The following MCTP1 variants were observed in gnomAD, a reference collection of about 807,000 sequenced individuals.
MCTP1 encodes the protein multiple C2 and transmembrane domain-containing protein 1.
MCTP1 carries 69 observed loss-of-function variants against 120.6 expected under a neutral mutation model. The observed-to-expected ratio is 0.57, with a 90% confidence interval of 0.47 to 0.70. The LOEUF (loss-of-function observed/expected upper bound fraction) is 0.70. Among genes scored for constraint, MCTP1 ranks in the 30% least tolerant of loss-of-function variants. MCTP1 has a pLI of 0.00. For missense variants in MCTP1, 1,203 were observed against 1,248.8 expected (o/e 0.96, Z 0.55); for synonymous variants, 529 against 493.1 (o/e 1.07, Z -0.96).
At chr5:94,962,821 C>T (rs1438504053) in intron 2 of MCTP1, among the ~76,000 whole-genome samples, 1 of 152,016 alleles carries the variant, frequency 6.6e-6, no homozygotes, top group Non-Finnish European at 1.5e-5. Context: ...CACTTAATAA[C>T]TTACTCATGT....
intron 1 of MCTP1, among the ~76,000 whole-genome samples, chr5:95,114,894 T>C (rs941438813): frequency 6.6e-6 from 1 of 152,156 alleles, no homozygotes; most frequent in African/African-American, 2.4e-5. Context: ...GACACAGTGG[T>C]GCTTGTGTCA....
At chr5:95,068,956 CTT>C (rs11357469) in intron 1 of MCTP1, 17,609 of 192,830 alleles carry the variant, frequency 0.091, 21 homozygotes, top group South Asian at 0.22. Flanking sequence ...GAGCAGGTAT[CTT>C]TTTTTTTTTT....
intron 1 of MCTP1, among the ~76,000 whole-genome samples, chr5:95,100,249 T>A (rs1201656016): frequency 6.6e-6 from 1 of 152,142 alleles, no homozygotes; most frequent in East Asian, 1.9e-4. Flanking sequence ...ATTGTGCACA[T>A]GTACCCTAAA....
intron 19 of MCTP1, among the ~76,000 whole-genome samples, chr5:94,774,839 A>C (rs1379151891): frequency 6.6e-6 from 1 of 152,214 alleles, no homozygotes; most frequent in Non-Finnish European, 1.5e-5. Flanking sequence ...CCAAAGCCTT[A>C]ATCTTTTTCC....
At chr5:94,959,790 A>C (rs1483806175) in intron 2 of MCTP1, among the ~76,000 whole-genome samples, 2 of 152,242 alleles carry the variant, frequency 1.3e-5, no homozygotes, top group South Asian at 2.1e-4. Context: ...AAATGGAAAA[A>C]CATTCCATGC....
At chr5:95,172,162 G>C (rs770014299) in intron 1 of MCTP1, among the ~76,000 whole-genome samples, 26 of 152,196 alleles carry the variant, frequency 1.7e-4, no homozygotes, top group Non-Finnish European at 3.4e-4. Context: ...GTTGGAGTTT[G>C]CTGGAGGTCC....
chr5:94,801,864 C>G (rs1781308886), intron 17 of MCTP1, among the ~76,000 whole-genome samples: 1 of 152,214 alleles, frequency 6.6e-6, no homozygotes, highest in Non-Finnish European at 1.5e-5. Flanking sequence ...CCACTTGCTT[C>G]AAGCATCAGT....
intron 1 of MCTP1, among the ~76,000 whole-genome samples, chr5:95,257,197 C>T (rs1005744033): frequency 6.6e-5 from 10 of 152,126 alleles, no homozygotes; most frequent in Non-Finnish European, 1.3e-4. Flanking sequence ...CTCAAACTCT[C>T]CTCAAAACAG....
intron 2 of MCTP1, among the ~76,000 whole-genome samples, chr5:94,989,221 G>A (rs57328095): frequency 0.029 from 4,466 of 152,232 alleles, 211 homozygotes; most frequent in African/African-American, 0.099. Flanking sequence ...GTGAGCCATC[G>A]TGCCTTTCTT....
chr5:94,892,313 A>G (rs1236017116), intron 11 of MCTP1, among the ~76,000 whole-genome samples: 2 of 152,248 alleles, frequency 1.3e-5, no homozygotes, highest in Non-Finnish European at 2.9e-5. Context: ...GGGACATTAA[A>G]TCAGATGACT....
intron 19 of MCTP1, among the ~76,000 whole-genome samples, chr5:94,754,665 G>A (rs1026325333): frequency 4.6e-5 from 7 of 151,610 alleles, no homozygotes; most frequent in African/African-American, 1.2e-4. Context: ...GCCAAAGTAC[G>A]TTTAACTTTA....
chr5:95,112,229 G>A lies in MCTP1; in HGVS notation c.721-94745C>T, dbSNP rs1291350681. Among the ~76,000 whole-genome samples, 3 of 152,268 alleles carry A rather than the reference G, an allele frequency of 2.0e-5. No homozygotes were observed. The South Asian group carries it at 6.2e-4, about 32-fold the overall frequency. On this transcript the variant is annotated intron_variant, in intron 1 of 22. Transcript: ENST00000515393. Reference sequence around the variant, plus strand: ...ACTTTCCCAATAACTAAATCCTTTTGAGTGATGCCAGAGGACAGCTCTCAA... The same window carrying A: ...ACTTTCCCAATAACTAAATCCTTTTAAGTGATGCCAGAGGACAGCTCTCAA...
At chr5:94,872,835 A>G (rs150574957) in intron 13 of MCTP1, among the ~76,000 whole-genome samples, 2 of 152,218 alleles carry the variant, frequency 1.3e-5, no homozygotes, top group East Asian at 3.9e-4. Context: ...ATTTCAATAG[A>G]AAGTATAAAA....
At chr5:94,837,919 T>C (rs1409063297) in intron 17 of MCTP1, among the ~76,000 whole-genome samples, 13 of 152,246 alleles carry the variant, frequency 8.5e-5, no homozygotes, top group Admixed American at 3.9e-4. Context: ...GAACTGCTCT[T>C]GGACAGAACT....
chr5:95,215,353 A>G (rs1342943114), intron 1 of MCTP1, among the ~76,000 whole-genome samples: 1 of 152,236 alleles, frequency 6.6e-6, no homozygotes, highest in Non-Finnish European at 1.5e-5. Context: ...AGCAATAAAG[A>G]TGGATTTTTG....
chr5:94,869,612 TA>T (rs1489511862), intron 16 of MCTP1, among the ~76,000 whole-genome samples: 2 of 152,032 alleles, frequency 1.3e-5, no homozygotes, highest in Non-Finnish European at 2.9e-5. Context: ...TTATTAAGAG[TA>T]AAAATATATT....
chr5:95,025,668 T>C (rs1839126093), intron 1 of MCTP1, among the ~76,000 whole-genome samples: 1 of 152,206 alleles, frequency 6.6e-6, no homozygotes, highest in East Asian at 1.9e-4. Flanking sequence ...CTGGAGTCAT[T>C]ACCATACATG....
chr5:95,153,614 C>T (rs1008043658), intron 1 of MCTP1, among the ~76,000 whole-genome samples: 7 of 152,152 alleles, frequency 4.6e-5, no homozygotes, highest in Admixed American at 4.6e-4. Flanking sequence ...AAAATGCTTC[C>T]AGACATTAAA....
intron 19 of MCTP1, among the ~76,000 whole-genome samples, chr5:94,727,645 A>C (rs1303314115): frequency 6.6e-6 from 1 of 152,232 alleles, no homozygotes; most frequent in Non-Finnish European, 1.5e-5. Context: ...GATAGGGAAC[A>C]GTCTTAAGAA....
Sources: gnomAD v4.1 joint callset for allele counts (sites outside exome capture counted in the v4.1 genomes callset) on GRCh38, gnomAD v4.1.1 for gene constraint, MANE v1.5 for transcripts, NCBI Gene and HGNC (gene_info 2026-07-23, HGNC 2026-07-21) for gene names.